Variants in PCNX2 observed in about 807,000 individuals in gnomAD.
PCNX2 encodes the protein pecanex 2, also known as pecanex-like protein 2.
In PCNX2, 168 loss-of-function variants were observed where a neutral mutation model predicts 223.8. That is an observed-to-expected ratio of 0.75 (90% CI 0.66 to 0.85). The LOEUF (loss-of-function observed/expected upper bound fraction) is 0.85. PCNX2 is among the 40% of genes least tolerant of loss of function. The probability of loss-of-function intolerance (pLI) is 0.00; values close to 1 mark genes in which losing one functional copy is unlikely to be tolerated. For missense variants in PCNX2, 2,507 were observed against 2,675.5 expected, an observed-to-expected ratio of 0.94 and a Z score of 1.39; for synonymous variants, 1,006 against 1,052.6, an observed-to-expected ratio of 0.96 and a Z score of 0.86.
At chr1:233,010,195 A>G (rs1010304059) in intron 28 of PCNX2, among the ~76,000 whole-genome samples, 1 of 152,196 alleles carries the variant, frequency 6.6e-6, no homozygotes, top group Non-Finnish European at 1.5e-5. Context: ...GCTCAGGAGG[A>G]GAAGTTGAGA....
At chr1:233,042,310 T>C (rs1483287971) in intron 25 of PCNX2, among the ~76,000 whole-genome samples, 1 of 152,184 alleles carries the variant, frequency 6.6e-6, no homozygotes, top group Admixed American at 6.5e-5. Flanking sequence ...TTGGATTCCC[T>C]CACTTGCCAC....
At chr1:233,187,881 C>G (rs182675112) in intron 15 of PCNX2, among the ~76,000 whole-genome samples, 55 of 152,124 alleles carry the variant, frequency 3.6e-4, no homozygotes, top group African/African-American at 1.3e-3. Context: ...ACAATTCTAG[C>G]CATAAAATAT....
intron 25 of PCNX2, among the ~76,000 whole-genome samples, chr1:233,040,158 C>T (rs1671593534): frequency 6.6e-6 from 1 of 152,154 alleles, no homozygotes; most frequent in Non-Finnish European, 1.5e-5. Context: ...TATTAGATGA[C>T]TCTTTTCTAT....
chr1:233,301,018 T>C, the PCNX2 span, among the ~76,000 whole-genome samples: 1 of 152,156 alleles, frequency 6.6e-6, no homozygotes, highest in South Asian at 2.1e-4. Context: ...TATAAGCAAG[T>C]AGGAGAAGTC....
chr1:233,166,962 T>C (rs548907932), intron 17 of PCNX2, among the ~76,000 whole-genome samples: 189 of 151,936 alleles, frequency 1.2e-3, no homozygotes, highest in African/African-American at 4.1e-3. Context: ...GGCAACATAA[T>C]GGGAACCCAT....
intron 17 of PCNX2, chr1:233,172,503 T>TG: frequency 1.0e-6 from 1 of 985,250 alleles, no homozygotes. Context: ...GTGTGGAGGG[T>TG]GGTAGAGCTG....
At chr1:233,112,943 T>C (rs1170038643) in intron 21 of PCNX2, 2 of 1,289,208 alleles carry the variant, frequency 1.6e-6, no homozygotes, top group Non-Finnish European at 2.0e-6. Flanking sequence ...AGGGAAATCA[T>C]CCTCTTTGTG....
the PCNX2 span, among the ~76,000 whole-genome samples, chr1:233,325,514 A>AC: frequency 6.6e-6 from 1 of 150,992 alleles, no homozygotes; most frequent in East Asian, 1.9e-4. Context: ...AAAAAAAAAA[A>AC]AACCAAAAAA....
intron 13 of PCNX2, chr1:233,202,396 A>G: frequency 3.9e-6 from 1 of 259,270 alleles, no homozygotes; most frequent in Non-Finnish European, 8.2e-6. Context: ...CAAAATTCAT[A>G]AATAAAAATA....
chr1:233,259,117 C>A lies in PCNX2; in HGVS notation c.745G>T (p.Asp249Tyr), dbSNP rs772214197. 1 of 1,613,886 alleles carries A rather than the reference C, an allele frequency of 6.2e-7. No homozygotes were observed. The highest frequency in any genetic ancestry group is 8.5e-7 in the Non-Finnish European group (1 of 1,179,894). Residue 249 changes from aspartate (D) to tyrosine (Y), a missense_variant, in exon 5 of 34, where the codon GAT becomes TAT. Around this residue, in one of 3 missense-constraint regions of PCNX2, gnomAD observed 1,031 missense variants for 1,021.7 expected, o/e 1.01. Coordinates refer to ENST00000258229, the MANE Select transcript of PCNX2 (RefSeq NM_014801.4). The part of the protein sequence containing the change: ...LRHRSEGGLV[D>Y]KGPLKKLPHL... ...GGCAACTTCTTCAAGGGTCCCTTAT[C>A]CACTAAGCCACCCTCGGATCTGTGG...
At chr1:233,020,524 G>A (rs1221577912) in intron 26 of PCNX2, among the ~76,000 whole-genome samples, 2 of 152,228 alleles carry the variant, frequency 1.3e-5, no homozygotes, top group African/African-American at 4.8e-5. Context: ...GATTCTCCTG[G>A]TTCCTCATTT....
chr1:233,240,963 T>C (rs760682322), intron 8 of PCNX2, among the ~76,000 whole-genome samples: 1 of 152,240 alleles, frequency 6.6e-6, no homozygotes, highest in Non-Finnish European at 1.5e-5. Context: ...CGATAGCCTA[T>C]CACTCTCAGA....
At chr1:233,063,913 T>A (rs751871922) in intron 23 of PCNX2, among the ~76,000 whole-genome samples, 9 of 152,194 alleles carry the variant, frequency 5.9e-5, no homozygotes, top group Non-Finnish European at 1.0e-4. Context: ...ATTTAACTTG[T>A]CTATTACAGT....
At chr1:233,013,891 G>A (rs969258542) in intron 28 of PCNX2, among the ~76,000 whole-genome samples, 1 of 152,156 alleles carries the variant, frequency 6.6e-6, no homozygotes, top group Non-Finnish European at 1.5e-5. Context: ...TAACGTGCAC[G>A]TGGGGTTGAG....
At chr1:233,119,431 A>AAAAAAAAAAG (rs1267274718) in intron 21 of PCNX2, among the ~76,000 whole-genome samples, 1 of 136,974 alleles carries the variant, frequency 7.3e-6, no homozygotes, top group Non-Finnish European at 1.6e-5. Context: ...AAAAAAAAAA[A>AAAAAAAAAAG]AAAAATTGCC....
At chr1:233,146,141 G>A (rs992424154) in intron 19 of PCNX2, among the ~76,000 whole-genome samples, 10 of 152,138 alleles carry the variant, frequency 6.6e-5, no homozygotes, top group Admixed American at 3.9e-4. Flanking sequence ...ATTCCTTCAC[G>A]CCATCACTGT....
chr1:233,139,951 C>G lies in PCNX2; in HGVS notation c.3518-96G>C. On this transcript the variant is annotated intron_variant, in intron 19 of 33. Coordinates refer to ENST00000258229, the MANE Select transcript of PCNX2 (RefSeq NM_014801.4). The surrounding 1 kb of genome is among the most constrained non-coding windows in gnomAD (Gnocchi z 4.4). ...TAAGTAATATTCCCCCCCTTTAATT[C>G]AAAAGCTGCTAATTAAGAACTCGTG... 7.0e-7 allele frequency: 1 copy of G among 1,421,444 alleles called. No individual in the cohort carries two copies. The highest frequency in any genetic ancestry group is 2.4e-5 in the East Asian group (1 of 41,596). 88.1% of individuals were successfully genotyped at this position (1,421,444 alleles called of 1,614,324 possible).
chr1:233,002,013 A>G (rs904576928), intron 28 of PCNX2, among the ~76,000 whole-genome samples: 1 of 152,192 alleles, frequency 6.6e-6, no homozygotes, highest in Non-Finnish European at 1.5e-5. Flanking sequence ...ACACAGTTTC[A>G]TCTACCCCAA....
At chr1:233,290,197 C>CT (rs1661684773) in intron 1 of PCNX2, among the ~76,000 whole-genome samples, 1 of 152,112 alleles carries the variant, frequency 6.6e-6, no homozygotes, top group South Asian at 2.1e-4. Flanking sequence ...TCCAAGATGC[C>CT]TAGAGCATGG....
Sources: gnomAD v4.1 joint callset for allele counts (sites outside exome capture counted in the v4.1 genomes callset) on GRCh38, gnomAD v4.1.1 for gene constraint, gnomAD v4.1.1 regional missense constraint, Gnocchi (gnomAD v3.1) non-coding constraint, MANE v1.5 for transcripts, NCBI Gene and HGNC (gene_info 2026-07-23, HGNC 2026-07-21) for gene names.